ARHGEF12: variants seen among roughly 807,000 people sequenced by gnomAD.
ARHGEF12 encodes KMT2A/ARHGEF12 fusion protein.
In ARHGEF12, 66 loss-of-function variants were observed where a neutral mutation model predicts 211.2. That is an observed-to-expected ratio of 0.31 (90% confidence interval 0.26 to 0.38). The LOEUF (loss-of-function observed/expected upper bound fraction) is 0.38. Among genes scored for constraint, ARHGEF12 ranks in the 10% least tolerant of loss-of-function variants. The pLI is 1.00. For missense variants in ARHGEF12, 1,429 were observed against 1,869.5 expected (o/e 0.76, Z 4.34); for synonymous variants, 592 against 638.4 (o/e 0.93, Z 1.09).
rs1555114203 is a variant in ARHGEF12 at position 120,442,463 on chromosome 11, T to TATAC, written c.1302+262_1302+263insTACA. The stretch of plus-strand genomic sequence containing the variant: ...ACACACACACACACACACATATATA[T>TATAC]ACACACACACACACACACATATTTG... On this transcript the variant is annotated intron_variant, in intron 15 of 40. Transcript: ENST00000397843. Among the ~76,000 whole-genome samples, 3 of 146,006 alleles carry TATAC rather than the reference T, an allele frequency of 2.1e-5. No individual in the cohort carries two copies. In the East Asian group the frequency reaches 6.0e-4, roughly 29 times the overall value.
In ARHGEF12 at chr11:120,489,181, G is replaced by T. The variant is rs185090900; in HGVS notation, c.*4104G>T. On this transcript the variant is annotated 3_prime_UTR_variant, in exon 41 of 41. Coordinates refer to ENST00000397843, the MANE Select transcript of ARHGEF12 (RefSeq NM_015313.3). ...TTATTAGAGCATCCCTAGCAACAAG[G>T]CTAAACCTTCATGACAGTGCTGGCA... is the stretch of plus-strand genomic sequence containing the variant. The T allele has an allele frequency of 8.8e-6, 2 of 227,358 alleles. No individual in the cohort carries two copies. Among genetic ancestry groups the T allele is most frequent in the East Asian group, 1.3e-4 (2 of 15,756 alleles). 14.1% of individuals were successfully genotyped at this position (227,358 alleles called of 1,614,324 possible). A position where few individuals can be genotyped will look rare whatever the true frequency, so the allele number is the denominator to read the frequency against.
At chr11:120,354,803 G>A (rs1022307830) in intron 1 of ARHGEF12, among the ~76,000 whole-genome samples, 6 of 152,128 alleles carry the variant, frequency 3.9e-5, no homozygotes, top group Non-Finnish European at 8.8e-5. Context: ...CTAGGTTTGG[G>A]ATTTACAAAG....
intron 11 of ARHGEF12, among the ~76,000 whole-genome samples, chr11:120,435,541 G>T (rs1373006687): frequency 7.3e-6 from 1 of 136,594 alleles, no homozygotes; most frequent in Non-Finnish European, 1.5e-5. Flanking sequence ...TTGAGATGGA[G>T]TCTCGCTCTG....
At chr11:120,456,376 G>A (rs1037852412) in intron 22 of ARHGEF12, among the ~76,000 whole-genome samples, 2 of 152,200 alleles carry the variant, frequency 1.3e-5, no homozygotes, top group Admixed American at 1.3e-4. Context: ...TTAAATTTAG[G>A]TAGTAACTAA....
chr11:120,430,361 CA>C (rs1403839407), intron 10 of ARHGEF12, among the ~76,000 whole-genome samples: 3 of 151,966 alleles, frequency 2.0e-5, no homozygotes, highest in Non-Finnish European at 4.4e-5. Context: ...CATATAGCTG[CA>C]AAGTAATAGA....
chr11:120,365,524 A>G (rs1361926859), intron 1 of ARHGEF12: 1 of 152,208 alleles, frequency 6.6e-6, no homozygotes, highest in East Asian at 1.9e-4. Context: ...TTGGCTCTTA[A>G]AAAATATTCT....
At position 120,479,907 on chromosome 11, in the gene ARHGEF12, G is replaced by A. The variant is rs187608076; in HGVS notation, c.3767-53G>A. The stretch of plus-strand genomic sequence containing the variant: ...TCAGCTAATTTAATTCTTGCAGCCT[G>A]AGGTTATAGTTGTGAATATGTTTTT... On this transcript the variant is annotated intron_variant, in intron 37 of 40. Transcript: ENST00000397843. 146 of 1,456,844 alleles carry A rather than the reference G, an allele frequency of 1.0e-4. No homozygotes were observed. In the African/African-American group the frequency reaches 1.7e-3, roughly 17 times the overall value. The allele number at this position is 1,456,844 out of a possible 1,614,324, so 90.2% of individuals were successfully genotyped here.
chr11:120,476,701 C>T lies in ARHGEF12; in HGVS notation c.3318C>T (p.Gly1106=), dbSNP rs1947042214. The T allele has an allele frequency of 6.2e-7, 1 of 1,612,838 alleles. No individual in the cohort carries two copies. Among genetic ancestry groups the T allele is most frequent in the Non-Finnish European group, 8.5e-7 (1 of 1,179,454 alleles). ...TCGTCATTTCCATGTCAGACAATGG[C>T]GCTCAGATTTATGAACTGGTGGCAC... ...ALFVISMSDN[G]AQIYELVAQT... The change falls in exon 34 of 41, where the codon GGC becomes GGT. Residue 1106 remains glycine (G), a synonymous_variant. Transcript: ENST00000397843.
Position 120,448,368 on chromosome 11 carries a change from A to T in ARHGEF12, c.1737+20A>T, listed in dbSNP as rs1946105488. 2 of 1,592,928 alleles carry T rather than the reference A, an allele frequency of 1.3e-6. No homozygotes were observed. Among genetic ancestry groups the T allele is most frequent in the South Asian group, 2.2e-5 (2 of 90,500 alleles). ...ATCAAGGTAAGAATGAAATAATGTA[A>T]TAGCATGTTCAGGCCTTAGGGCTTC... On this transcript the variant is annotated intron_variant, in intron 20 of 40. Transcript: ENST00000397843.
chr11:120,437,025 T>C (rs1945714929), intron 11 of ARHGEF12, among the ~76,000 whole-genome samples: 1 of 152,116 alleles, frequency 6.6e-6, no homozygotes, highest in Non-Finnish European at 1.5e-5. Flanking sequence ...AGGTATGCAG[T>C]ATATCTAATT....
At chr11:120,445,588 A>T (rs1946019324) in intron 16 of ARHGEF12, 124 bp downstream of exon 16, 5 of 996,180 alleles carry the variant, frequency 5.0e-6, no homozygotes, top group Admixed American at 1.7e-5. Flanking sequence ...ACAGAAAGAC[A>T]GTCTATAATA....
At chr11:120,435,432 G>C (rs1054939158) in intron 11 of ARHGEF12, among the ~76,000 whole-genome samples, 1 of 151,372 alleles carries the variant, frequency 6.6e-6, no homozygotes, top group African/African-American at 2.4e-5. Context: ...GATGTGAATG[G>C]CTGTCTTACT....
chr11:120,484,962 C>A (rs765018322), intron 40 of ARHGEF12, 105 bp from the exon 41 acceptor site: 8 of 1,235,990 alleles, frequency 6.5e-6, no homozygotes, highest in Non-Finnish European at 9.3e-6. Flanking sequence ...CATACTGATT[C>A]AGAAACAAAG....
rs1946050231 is a variant in ARHGEF12, at chr11:120,446,446, C to G, written c.1389C>G (p.His463Gln). 3 of 1,613,280 alleles carry G rather than the reference C, an allele frequency of 1.9e-6. No individual in the cohort carries two copies. Among genetic ancestry groups the G allele is most frequent in the Non-Finnish European group, 2.5e-6 (3 of 1,179,628 alleles). The change falls in exon 17 of 41, where the codon CAC becomes CAG. Residue 463 changes from histidine to glutamine, a missense_variant. Transcript: ENST00000397843. ...PELIPEDLHR[H>Q]YIQTMQERVH... ...TCATTCCTGAGGATCTGCATCGCCA[C>G]TATATCCAAACTATGCAAGAAAGAG... is the stretch of plus-strand genomic sequence containing the variant.
chr11:120,451,542 G>C lies in ARHGEF12; in HGVS notation c.1874G>C (p.Arg625Pro). ...AGAGCCATGGAACTACAGAAGGCGC[G>C]CCACCCTAAGCACTTATCCACACCC... ...IGRAMELQKA[R>P]HPKHLSTPSS... Residue 625 changes from arginine (R) to proline (P), a missense_variant, in exon 22 of 41, where the codon CGC (arginine) becomes CCC (proline). Arg to Pro is a moderately radical substitution (Grantham distance 103, BLOSUM62 -2). Around this residue, in one of 7 missense-constraint regions of ARHGEF12, gnomAD observed 373 missense variants for 467.5 expected, o/e 0.80. Transcript: ENST00000397843. 6.2e-7 allele frequency: 1 copy of C among 1,614,046 alleles called. No homozygotes were observed. The highest frequency in any genetic ancestry group is 8.5e-7 in the Non-Finnish European group (1 of 1,180,000).
intron 25 of ARHGEF12, chr11:120,458,963 G>A (rs1280608623): frequency 2.9e-6 from 1 of 349,238 alleles, no homozygotes; most frequent in Non-Finnish European, 5.0e-6. Flanking sequence ...AGTTTTGAAT[G>A]ATATTTTTTA....
intron 1 of ARHGEF12, among the ~76,000 whole-genome samples, chr11:120,389,378 T>C (rs1485929413): frequency 6.6e-6 from 1 of 152,230 alleles, no homozygotes; most frequent in Non-Finnish European, 1.5e-5. Context: ...AATATTTGCC[T>C]AACCCAAGGT....
rs1208146822 is a variant in ARHGEF12 at position 120,489,399 on chromosome 11, C to T, written c.*4322C>T. On this transcript the variant is annotated 3_prime_UTR_variant, in exon 41 of 41. Transcript: ENST00000397843. ...TGTAACTATTTTTAAGTATAAAGTT[C>T]AGTGAGGTAGGCCAGCTTTTATGAC... The T allele has an allele frequency of 1.3e-5, 3 of 224,074 alleles. No homozygotes were observed. The highest frequency in any genetic ancestry group is 4.5e-5 in the African/African-American group (2 of 44,822). 13.9% of individuals were successfully genotyped at this position (224,074 alleles called of 1,614,324 possible).
At chr11:120,428,407 T>C (rs1945418264) in intron 8 of ARHGEF12, among the ~76,000 whole-genome samples, 160 bp downstream of exon 8, 2 of 152,214 alleles carry the variant, frequency 1.3e-5, no homozygotes, top group Non-Finnish European at 2.9e-5. Context: ...ATGATTAGAA[T>C]ATTGTCATAG....
Sources: gnomAD v4.1 joint callset for allele counts (sites outside exome capture counted in the v4.1 genomes callset) on GRCh38, gnomAD v4.1.1 for gene constraint, gnomAD v4.1.1 regional missense constraint, MANE v1.5 for transcripts, NCBI Gene and HGNC (gene_info 2026-07-23, HGNC 2026-07-21) for gene names.